KIF24: variants seen among roughly 807,000 people sequenced by gnomAD.
KIF24 encodes the protein kinesin-like protein KIF24.
A neutral mutation model predicts 118.9 loss-of-function variants in KIF24; 81 were observed. The ratio of observed to expected loss-of-function variants is 0.68; its 90% CI spans 0.57 to 0.82. The LOEUF (loss-of-function observed/expected upper bound fraction) is 0.82, where lower values mean the gene tolerates loss of function less well. Ranked by LOEUF, KIF24 falls within the 40% of genes least tolerant of loss-of-function variation. KIF24 has a pLI of 0.00. For synonymous variants in KIF24, 599 were observed against 610.0 expected (o/e 0.98, Z 0.27); for missense variants, 1,560 against 1,661.6 (o/e 0.94, Z 1.06).
intron 8 of KIF24, among the ~76,000 whole-genome samples, chr9:34,267,970 G>GA (rs573396296): frequency 2.6e-5 from 4 of 152,038 alleles, no homozygotes; most frequent in Non-Finnish European, 4.4e-5. Context: ...CACTGATATA[G>GA]AAAAAATGAA....
intron 9 of KIF24, 52 bp from the exon 10 acceptor site, chr9:34,259,757 T>C: frequency 1.8e-6 from 2 of 1,132,104 alleles, no homozygotes; most frequent in South Asian, 2.5e-5. Context: ...ACAAAGTGCA[T>C]ACTGACTACT....
intron 3 of KIF24, among the ~76,000 whole-genome samples, chr9:34,305,070 A>G (rs1836860362): frequency 6.6e-6 from 1 of 152,158 alleles, no homozygotes; most frequent in African/African-American, 2.4e-5. Flanking sequence ...ATTTTTCACA[A>G]TTTTAGGAGT....
rs776039067 is a variant in KIF24 at position 34,263,189 on chromosome 9, C to G, written c.1444-17G>C. ...TTCCTTCAGCTGCAAAGTGGGAGAA[C>G]AAGCACATCAAGTATCAAGTGCAAA... On this transcript the variant is annotated splice_polypyrimidine_tract_variant and intron_variant, in intron 8 of 12. Coordinates refer to ENST00000402558, the MANE Select transcript of KIF24 (RefSeq NM_194313.4). The G allele has an allele frequency of 2.5e-6, 4 of 1,599,452 alleles. No homozygotes were observed. In the African/African-American group the frequency reaches 5.4e-5, roughly 21 times the overall value.
intron 4 of KIF24, among the ~76,000 whole-genome samples, chr9:34,291,224 G>T (rs1186562662): frequency 6.6e-6 from 1 of 152,188 alleles, no homozygotes; most frequent in Non-Finnish European, 1.5e-5. Flanking sequence ...ACAAGAGTAG[G>T]AATTGGGCTG....
chr9:34,330,392 G>C (rs1158074701), upstream of KIF24, among the ~76,000 whole-genome samples: 1 of 152,176 alleles, frequency 6.6e-6, no homozygotes, highest in African/African-American at 2.4e-5. Flanking sequence ...GCGACAGAGC[G>C]AGACTCCGTC....
chr9:34,256,225 G>A lies in KIF24; in HGVS notation c.3382C>T (p.Pro1128Ser). The change falls in exon 11 of 13, where the codon CCA becomes TCA. Residue 1128 changes from proline to serine, a missense_variant. Physicochemically the swap from Pro to Ser is moderately conservative, Grantham distance 74. This residue lies in a region of KIF24 where 591 missense variants were observed against 655.6 expected (regional missense o/e 0.90). Transcript: ENST00000402558. The part of the protein sequence containing the change: ...PPDNKPGGDL[P>S]ALSPSPIRQH... ...CGGATGGGTGATGGGGACAGAGCTGGAAGATCACCACCAGGCTTATTATCA... is the reference window on the plus strand; with the variant it reads ...CGGATGGGTGATGGGGACAGAGCTGAAAGATCACCACCAGGCTTATTATCA... 5 of 1,603,528 alleles carry A rather than the reference G, an allele frequency of 3.1e-6. No individual in the cohort carries two copies. Among genetic ancestry groups the A allele is most frequent in the Non-Finnish European group, 4.3e-6 (5 of 1,174,000 alleles).
Position 34,253,533 on chromosome 9 carries a change from G to A in KIF24, c.*847C>T, listed in dbSNP as rs1228110940. 1 of 152,368 alleles carries A rather than the reference G, an allele frequency of 6.6e-6. No individual in the cohort carries two copies. Among genetic ancestry groups the A allele is most frequent in the African/African-American group, 2.4e-5 (1 of 41,440 alleles). 9.4% of individuals were successfully genotyped at this position (152,368 alleles called of 1,614,324 possible). A position where few individuals can be genotyped will look rare whatever the true frequency, so the allele number is the denominator to read the frequency against. On this transcript the variant is annotated 3_prime_UTR_variant, in exon 13 of 13. Transcript: ENST00000402558. The stretch of plus-strand genomic sequence containing the variant: ...CAGGGTGGCTGGGCAGGGTGAACTG[G>A]ATGAAGGCCAGGCTAGGAGATGGAC...
chr9:34,310,385 T>C (rs1183492606), intron 2 of KIF24, among the ~76,000 whole-genome samples: 1 of 110,746 alleles, frequency 9.0e-6, no homozygotes, highest in Non-Finnish European at 2.5e-5. Context: ...TTCTCCACTG[T>C]AGAAGGGTTA....
chr9:34,303,951 C>T (rs746496221), intron 3 of KIF24, among the ~76,000 whole-genome samples: 12 of 152,146 alleles, frequency 7.9e-5, no homozygotes, highest in Non-Finnish European at 1.6e-4. Context: ...CCATATTAAA[C>T]TTGTATTCAC....
chr9:34,260,507 G>T (rs1835014736), intron 9 of KIF24, among the ~76,000 whole-genome samples: 2 of 152,190 alleles, frequency 1.3e-5, no homozygotes, highest in South Asian at 4.1e-4. Flanking sequence ...AGGCTATGCG[G>T]GCAGAGAGAT....
chr9:34,313,232 G>T (rs746848657), intron 1 of KIF24, among the ~76,000 whole-genome samples: 1 of 152,088 alleles, frequency 6.6e-6, no homozygotes, highest in Non-Finnish European at 1.5e-5. Flanking sequence ...AGTCATCTTA[G>T]ACTATCCAGG....
At chr9:34,330,607 A>AT (rs1184248919), upstream of KIF24, among the ~76,000 whole-genome samples, 1 of 152,174 alleles carries the variant, frequency 6.6e-6, no homozygotes, top group East Asian at 1.9e-4. Context: ...TGTTGTGAAG[A>AT]TTAAGTGAAA....
intron 6 of KIF24, among the ~76,000 whole-genome samples, chr9:34,276,215 A>G (rs907335617): frequency 2.0e-5 from 3 of 152,116 alleles, no homozygotes; most frequent in African/African-American, 7.2e-5. Flanking sequence ...AGCCTGACCA[A>G]TGTGGTTAAA....
chr9:34,268,209 G>GCTGGA (rs199718778), intron 8 of KIF24, among the ~76,000 whole-genome samples: 2,018 of 152,126 alleles, frequency 0.013, 26 homozygotes, highest in Admixed American at 0.034. Context: ...TGTTGCCCAG[G>GCTGGA]CTGGAGTGCA....
intron 1 of KIF24, among the ~76,000 whole-genome samples, chr9:34,328,610 G>A (rs1837756215): frequency 6.6e-6 from 1 of 152,200 alleles, no homozygotes; most frequent in Admixed American, 6.5e-5. Context: ...ACAAGGCAGG[G>A]CATGAAGAGG....
intron 3 of KIF24, among the ~76,000 whole-genome samples, chr9:34,298,779 G>A (rs551748291): frequency 4.6e-5 from 7 of 152,190 alleles, no homozygotes; most frequent in African/African-American, 1.7e-4. Flanking sequence ...GTAATTCAGT[G>A]GTGAGGTAAA....
chr9:34,317,931 T>C (rs769266272), intron 1 of KIF24, among the ~76,000 whole-genome samples: 1 of 152,208 alleles, frequency 6.6e-6, no homozygotes. Flanking sequence ...ACCGGGGGTC[T>C]TGGAATATAT....
upstream of KIF24, among the ~76,000 whole-genome samples, chr9:34,331,391 A>G (rs1303944137): frequency 2.6e-5 from 4 of 152,368 alleles, no homozygotes; most frequent in South Asian, 8.3e-4. Context: ...TGTTAACTTC[A>G]TTTTACAAAT....
chr9:34,296,882 C>A (rs1836504078), intron 4 of KIF24, 135 bp downstream of exon 4: 1 of 533,132 alleles, frequency 1.9e-6, no homozygotes, highest in Non-Finnish European at 3.3e-6. Flanking sequence ...TCAGAAGAAT[C>A]TAAATTTATT....
Sources: gnomAD v4.1 joint callset for allele counts (sites outside exome capture counted in the v4.1 genomes callset) on GRCh38, gnomAD v4.1.1 for gene constraint, gnomAD v4.1.1 regional missense constraint, MANE v1.5 for transcripts, NCBI Gene and HGNC (gene_info 2026-07-23, HGNC 2026-07-21) for gene names.